C8A: variants seen among roughly 807,000 people sequenced by gnomAD.
The protein encoded by C8A is complement component C8 alpha chain.
Under a neutral mutation model 65.3 loss-of-function variants are expected in C8A, and 67 were observed. That is an observed-to-expected ratio of 1.03 (90% confidence interval 0.84 to 1.26). The LOEUF is 1.26. Ranked by LOEUF, C8A falls within the 50% of genes most tolerant of loss-of-function variation. The pLI is 0.00. For synonymous variants in C8A, 290 were observed against 259.4 expected (o/e 1.12, Z -1.13); for missense variants, 781 against 723.9 (o/e 1.08, Z -0.90).
intron 7 of C8A, 84 bp from the exon 8 acceptor site, chr1:56,906,583 C>G: frequency 8.4e-6 from 13 of 1,547,442 alleles, no homozygotes; most frequent in Non-Finnish European, 1.2e-5. Flanking sequence ...CTGAAGCTAG[C>G]TTTTACTACT....
At chr1:56,878,148 C>T (rs1208075378) in intron 4 of C8A, among the ~76,000 whole-genome samples, 1 of 152,046 alleles carries the variant, frequency 6.6e-6, no homozygotes, top group Non-Finnish European at 1.5e-5. Flanking sequence ...TCGTACATAT[C>T]TGTGTCCTAA....
At chr1:56,878,827 TG>T (rs1644224268) in intron 4 of C8A, among the ~76,000 whole-genome samples, 1 of 152,184 alleles carries the variant, frequency 6.6e-6, no homozygotes, top group South Asian at 2.1e-4. Context: ...AAAACTGCAT[TG>T]ACAATATGCA....
At chr1:56,906,519 C>A in intron 7 of C8A, 148 bp from the exon 8 acceptor site, 1 of 852,526 alleles carries the variant, frequency 1.2e-6, no homozygotes, top group South Asian at 1.4e-5. Flanking sequence ...GAAGAGAAAA[C>A]TGAAATTGGA....
chr1:56,899,989 C>T (rs941041014), intron 7 of C8A, among the ~76,000 whole-genome samples: 4 of 152,196 alleles, frequency 2.6e-5, no homozygotes, highest in Admixed American at 6.5e-5. Context: ...CCTTCATCTA[C>T]GCTGTCTCTT....
At chr1:56,887,526 C>A (rs1033516985) in intron 7 of C8A, among the ~76,000 whole-genome samples, 1 of 152,056 alleles carries the variant, frequency 6.6e-6, no homozygotes, top group African/African-American at 2.4e-5. Context: ...CTGTTCATAT[C>A]CTTTGCTCAC....
chr1:56,868,266 G>C (rs1454830779), intron 2 of C8A, among the ~76,000 whole-genome samples: 1 of 151,580 alleles, frequency 6.6e-6, no homozygotes, highest in African/African-American at 2.4e-5. Context: ...AGGCAGAGGC[G>C]AGTATTAAAA....
At chr1:56,861,668 A>G (rs1181126079) in intron 1 of C8A, among the ~76,000 whole-genome samples, 1 of 152,174 alleles carries the variant, frequency 6.6e-6, no homozygotes, top group East Asian at 1.9e-4. Flanking sequence ...AAAACTAGAC[A>G]ATTTTCCACT....
At chr1:56,891,843 A>C (rs1378314779) in intron 7 of C8A, among the ~76,000 whole-genome samples, 1 of 152,138 alleles carries the variant, frequency 6.6e-6, no homozygotes, top group Non-Finnish European at 1.5e-5. Flanking sequence ...CTGGGGGCAA[A>C]GAAGGGACTC....
intron 10 of C8A, among the ~76,000 whole-genome samples, chr1:56,913,458 A>G (rs1644526448): frequency 6.6e-6 from 1 of 152,256 alleles, no homozygotes; most frequent in African/African-American, 2.4e-5. Context: ...AAAGTTATCA[A>G]ACAAGCATTA....
intron 2 of C8A, 55 bp from the exon 3 acceptor site, chr1:56,874,894 T>A (rs576287055): frequency 3.7e-6 from 6 of 1,602,914 alleles, no homozygotes; most frequent in Non-Finnish European, 4.3e-6. Flanking sequence ...GCACAAGTCT[T>A]GGTTGATTGA....
At chr1:56,869,013 T>G (rs1644117814) in intron 2 of C8A, among the ~76,000 whole-genome samples, 1 of 152,198 alleles carries the variant, frequency 6.6e-6, no homozygotes, top group Non-Finnish European at 1.5e-5. Flanking sequence ...GATGTTTTCC[T>G]TCTTTTATTT....
intron 10 of C8A, among the ~76,000 whole-genome samples, chr1:56,914,262 G>A (rs571888102): frequency 6.6e-6 from 1 of 152,198 alleles, no homozygotes; most frequent in African/African-American, 2.4e-5. Context: ...TAATGAGGGA[G>A]GACTTTCTTC....
Position 56,892,165 on chromosome 1 carries a change from C to G in C8A, c.1096+5998C>G, listed in dbSNP as rs375439202. ...GCCTGTGAACATCTCCACCAGGAAGCTGGCACCTCCAGGAATAACATTCAT... is the reference window on the plus strand; with the variant it reads ...GCCTGTGAACATCTCCACCAGGAAGGTGGCACCTCCAGGAATAACATTCAT... On this transcript the variant is annotated intron_variant, in intron 7 of 10. Coordinates refer to ENST00000361249, the MANE Select transcript of C8A (RefSeq NM_000562.3). Among the ~76,000 whole-genome samples the G allele has an allele frequency of 1.9e-3, 284 of 152,228 alleles. 3 individuals carry two copies. Among genetic ancestry groups the G allele is most frequent in the African/African-American group, 6.4e-3 (265 of 41,538 alleles).
intron 7 of C8A, among the ~76,000 whole-genome samples, chr1:56,906,031 T>A (rs1331301660): frequency 2.6e-5 from 4 of 151,962 alleles, no homozygotes; most frequent in African/African-American, 9.7e-5. Context: ...CTTTACGGAG[T>A]CTGAAGGGCA....
intron 2 of C8A, among the ~76,000 whole-genome samples, chr1:56,874,516 T>C (rs1043504388): frequency 2.0e-5 from 3 of 152,156 alleles, no homozygotes; most frequent in African/African-American, 7.2e-5. Flanking sequence ...ACCCTCAATA[T>C]GAAAATTGCT....
chr1:56,902,999 G>A (rs1644437672), intron 7 of C8A, among the ~76,000 whole-genome samples: 1 of 152,064 alleles, frequency 6.6e-6, no homozygotes, highest in Non-Finnish European at 1.5e-5. Flanking sequence ...TTACCCTACT[G>A]AGTGGGGAGT....
rs750471865 is a variant in C8A, at chr1:56,912,405, G to A, written c.1383G>A (p.Met461Ile). The A allele has an allele frequency of 6.2e-7, 1 of 1,614,114 alleles. No individual in the cohort carries two copies. The highest frequency in any genetic ancestry group is 1.7e-5 in the Admixed American group (1 of 60,036). Residue 461 changes from methionine to isoleucine, a missense_variant and splice_region_variant, in exon 10 of 11, where the codon ATG becomes ATA. Coordinates refer to ENST00000361249, the MANE Select transcript of C8A (RefSeq NM_000562.3). ...KYNPVVIDFE[M>I]QPIHEVLRHT... ...CTGTGTTCTTTCTGTGCCCACAGAT[G>A]CAGCCTATCCACGAGGTGCTGCGGC...
At chr1:56,908,163 T>G in intron 9 of C8A, 50 bp downstream of exon 9, 1 of 1,554,718 alleles carries the variant, frequency 6.4e-7, no homozygotes, top group Non-Finnish European at 8.9e-7. Context: ...GGAATGAAAG[T>G]GAAGCAGACC....
At chr1:56,907,571 A>G (rs566632522) in intron 8 of C8A, among the ~76,000 whole-genome samples, 1 of 152,318 alleles carries the variant, frequency 6.6e-6, no homozygotes, top group South Asian at 2.1e-4. Context: ...ATTGAGTCCT[A>G]TAGTAACATC....
Sources: allele counts gnomAD v4.1 joint callset (sites outside exome capture counted in the v4.1 genomes callset), GRCh38; gene constraint gnomAD v4.1.1; transcripts MANE v1.5; gene names NCBI Gene and HGNC (gene_info 2026-07-23, HGNC 2026-07-21).